The following DNAH9 variants were observed in gnomAD, a reference collection of about 807,000 sequenced individuals.
The protein encoded by DNAH9 is DNAH9 variant protein.
A neutral mutation model predicts 471.6 loss-of-function variants in DNAH9; 345 were observed. That is an observed-to-expected ratio of 0.73 (90% confidence interval 0.67 to 0.80). The LOEUF (loss-of-function observed/expected upper bound fraction) is 0.80. Ranked by LOEUF, DNAH9 falls within the 30% of genes least tolerant of loss-of-function variation. DNAH9 has a pLI of 0.00. For synonymous variants in DNAH9, 2,093 were observed against 2,123.6 expected (o/e 0.99, Z 0.40); for missense variants, 5,407 against 5,609.2 (o/e 0.96, Z 1.15).
chr17:11,927,191 C>T (rs1974359805), intron 62 of DNAH9, among the ~76,000 whole-genome samples: 1 of 152,176 alleles, frequency 6.6e-6, no homozygotes, highest in Non-Finnish European at 1.5e-5. Context: ...CAAAAATTTT[C>T]TCCCATTCCA....
chr17:11,799,829 C>G (rs1048768387), intron 43 of DNAH9, among the ~76,000 whole-genome samples: 1 of 152,184 alleles, frequency 6.6e-6, no homozygotes, highest in African/African-American at 2.4e-5. Context: ...AGGTGATCCA[C>G]CCGCCTTGGA....
chr17:11,834,575 A>G, intron 48 of DNAH9, 63 bp from the exon 49 acceptor site: 1 of 1,589,136 alleles, frequency 6.3e-7, no homozygotes, highest in South Asian at 1.2e-5. Flanking sequence ...GCCAGTGACT[A>G]GTCCAGTGCC....
intron 67 of DNAH9, among the ~76,000 whole-genome samples, chr17:11,957,675 G>A (rs1384941058): frequency 6.6e-6 from 1 of 151,584 alleles, no homozygotes; most frequent in African/African-American, 2.4e-5. Context: ...CCAGCAAAGA[G>A]ACAGCCTAGC....
chr17:11,844,833 G>A (rs1371238244), intron 49 of DNAH9, among the ~76,000 whole-genome samples: 1 of 152,044 alleles, frequency 6.6e-6, no homozygotes, highest in Non-Finnish European at 1.5e-5. Context: ...CAGATACTAA[G>A]CCTAGGACCC....
At chr17:11,603,468 A>C (rs925202302) in intron 1 of DNAH9, among the ~76,000 whole-genome samples, 2 of 152,200 alleles carry the variant, frequency 1.3e-5, no homozygotes, top group African/African-American at 4.8e-5. Context: ...ATCTTCTGCC[A>C]TCCCATCCGT....
chr17:11,599,435 G>A (rs1484159945), intron 1 of DNAH9, among the ~76,000 whole-genome samples: 1 of 152,142 alleles, frequency 6.6e-6, no homozygotes, highest in African/African-American at 2.4e-5. Flanking sequence ...AATGGGAGGG[G>A]GAGGTGGGTA....
intron 67 of DNAH9, among the ~76,000 whole-genome samples, chr17:11,960,689 G>T (rs146804695): frequency 0.046 from 6,950 of 151,776 alleles, 561 homozygotes; most frequent in African/African-American, 0.16. Context: ...AACCCGGGAG[G>T]CGGAGGTTGC....
intron 15 of DNAH9, 114 bp from the exon 16 acceptor site, chr17:11,668,950 A>G (rs770869956): frequency 1.4e-6 from 1 of 737,396 alleles, no homozygotes; most frequent in Non-Finnish European, 2.3e-6. Context: ...GTTTCCCTAC[A>G]GTCTAGCAGC....
At chr17:11,941,729 TA>T (rs1288162045) in intron 66 of DNAH9, among the ~76,000 whole-genome samples, 1 of 141,346 alleles carries the variant, frequency 7.1e-6, no homozygotes, top group African/African-American at 2.6e-5. Context: ...GATAGATAGA[TA>T]GATAGATAGT....
chr17:11,816,043 C>T (rs1970084186), intron 45 of DNAH9, among the ~76,000 whole-genome samples: 1 of 152,150 alleles, frequency 6.6e-6, no homozygotes, highest in Non-Finnish European at 1.5e-5. Flanking sequence ...CTTCTACCCA[C>T]AGTAGAAGAC....
At chr17:11,899,030 A>T (rs544651552) in intron 59 of DNAH9, among the ~76,000 whole-genome samples, 1 of 152,322 alleles carries the variant, frequency 6.6e-6, no homozygotes, top group East Asian at 1.9e-4. Context: ...AGAACCATCA[A>T]ACTCAAGCAC....
chr17:11,740,355 C>A (rs1302985824), intron 29 of DNAH9, among the ~76,000 whole-genome samples: 1 of 152,146 alleles, frequency 6.6e-6, no homozygotes, highest in Admixed American at 6.6e-5. Flanking sequence ...ACATTTATTT[C>A]TCACAGTTCT....
Position 11,822,718 on chromosome 17 carries a change from G to A in DNAH9, c.9013-83G>A, listed in dbSNP as rs923091446. On this transcript the variant is annotated intron_variant, in intron 47 of 68. Coordinates refer to ENST00000262442, the MANE Select transcript of DNAH9 (RefSeq NM_001372.4). ...GAAGCATAAGTTTCCACATGGTGGA[G>A]GAATGGCTGGGGTGAGGGGTGAGCA... is the stretch of plus-strand genomic sequence containing the variant. 34 of 1,583,150 alleles carry A rather than the reference G, an allele frequency of 2.1e-5. No individual in the cohort carries two copies. The Middle Eastern group carries it at 8.4e-4, about 39-fold the overall frequency.
chr17:11,671,593 G>C (rs1315841276), intron 17 of DNAH9, among the ~76,000 whole-genome samples: 1 of 152,204 alleles, frequency 6.6e-6, no homozygotes, highest in Non-Finnish European at 1.5e-5. Flanking sequence ...ATGGCCCAGA[G>C]CATGAGAGCC....
At chr17:11,633,262 T>G (rs974334527) in intron 8 of DNAH9, among the ~76,000 whole-genome samples, 1 of 152,228 alleles carries the variant, frequency 6.6e-6, no homozygotes, top group Non-Finnish European at 1.5e-5. Context: ...GAGCATGATA[T>G]GTGTTCCACC....
intron 61 of DNAH9, among the ~76,000 whole-genome samples, chr17:11,916,067 G>C (rs970219682): frequency 3.3e-5 from 5 of 152,184 alleles, no homozygotes; most frequent in African/African-American, 9.7e-5. Context: ...ACACTTTATA[G>C]TCTGTGTTCC....
Position 11,719,490 on chromosome 17 carries a change from G to T in DNAH9, c.5709G>T (p.Lys1903Asn). ...VFNCSEQMDY[K>N]SCGNIYKGLA... ...ACTGCTCGGAGCAGATGGATTACAA[G>T]GTACAGTTCCACCCGGCTTCCTGGG... is the stretch of plus-strand genomic sequence containing the variant. The change falls in exon 27 of 69, where the codon AAG (lysine) becomes AAT (asparagine). Residue 1903 changes from lysine to asparagine, a missense_variant and splice_region_variant. Physicochemically the swap from Lys to Asn is moderately conservative, Grantham distance 94. Coordinates refer to ENST00000262442, the MANE Select transcript of DNAH9 (RefSeq NM_001372.4). 6.2e-7 allele frequency: 1 copy of T among 1,611,024 alleles called. No individual in the cohort carries two copies. The highest frequency in any genetic ancestry group is 8.5e-7 in the Non-Finnish European group (1 of 1,178,538).
intron 28 of DNAH9, among the ~76,000 whole-genome samples, chr17:11,732,084 G>A (rs1322253715): frequency 1.3e-5 from 2 of 152,158 alleles, no homozygotes; most frequent in African/African-American, 2.4e-5. Context: ...GCTTAACAAT[G>A]TACTAATCAA....
chr17:11,812,982 A>G (rs893740769), intron 45 of DNAH9, among the ~76,000 whole-genome samples: 1 of 152,184 alleles, frequency 6.6e-6, no homozygotes, highest in Non-Finnish European at 1.5e-5. Context: ...TGCCAGCCTC[A>G]CACCATTGTA....
Sources: allele counts gnomAD v4.1 joint callset (sites outside exome capture counted in the v4.1 genomes callset), GRCh38; gene constraint gnomAD v4.1.1; transcripts MANE v1.5; gene names NCBI Gene and HGNC (gene_info 2026-07-23, HGNC 2026-07-21).